The following TSC2 variants were observed in gnomAD, a reference collection of about 807,000 sequenced individuals.
TSC2 encodes TSC complex subunit 2.
Under a neutral mutation model 202.2 loss-of-function variants are expected in TSC2, and 29 were observed. The ratio of observed to expected loss-of-function variants is 0.14; its 90% CI spans 0.11 to 0.20. TSC2 has a LOEUF of 0.20. Ranked by LOEUF, TSC2 falls within the 10% of genes least tolerant of loss-of-function variation. The pLI is 1.00. For synonymous variants in TSC2, 1,349 were observed against 1,044.0 expected (o/e 1.29, Z -5.63); for missense variants, 2,429 against 2,420.0 (o/e 1.00, Z -0.08).
chr16:2,081,873 C>G, intron 31 of TSC2, 75 bp downstream of exon 31: 2 of 1,562,770 alleles, frequency 1.3e-6, no homozygotes, highest in Admixed American at 1.8e-5. Flanking sequence ...CAATGTGGCT[C>G]CTCTCTGCTG....
chr16:2,049,682 C>T lies in TSC2; in HGVS notation c.139-718C>T, dbSNP rs1023683385. On this transcript the variant is annotated intron_variant, in intron 2 of 41. Coordinates refer to ENST00000219476, the MANE Select transcript of TSC2 (RefSeq NM_000548.5). ...TCTACTAAAAATACCAAAAATTAGCCGGTCATAGTGGTGGGCGCCTGTAAT... is the reference window on the plus strand; with the variant it reads ...TCTACTAAAAATACCAAAAATTAGCTGGTCATAGTGGTGGGCGCCTGTAAT... Among the ~76,000 whole-genome samples, 13 of 151,396 alleles carry T rather than the reference C, an allele frequency of 8.6e-5. 1 individual carries two copies. The South Asian group carries it at 2.5e-3, about 29-fold the overall frequency.
chr16:2,059,336 CTCTT>C (rs1596291873), intron 10 of TSC2, among the ~76,000 whole-genome samples: 1 of 145,396 alleles, frequency 6.9e-6, no homozygotes, highest in African/African-American at 2.6e-5. Context: ...TTTTCTCTCT[CTCTT>C]TTTTTTTTTT....
chr16:2,070,542 C>T lies in TSC2; in HGVS notation c.1803C>T (p.Ser601=), dbSNP rs1044401463. The T allele has an allele frequency of 6.2e-7, 1 of 1,613,178 alleles. No individual in the cohort carries two copies. The highest frequency in any genetic ancestry group is 1.3e-5 in the African/African-American group (1 of 74,952). Residue 601 remains serine, a synonymous_variant, in exon 17 of 42, where the codon AGC becomes AGT. Coordinates refer to ENST00000219476, the MANE Select transcript of TSC2 (RefSeq NM_000548.5). The part of the protein sequence containing the change: ...VSHIQLHYKH[S]YTLPIASSIR... ...ACATTCAGCTCCACTACAAGCACAG[C>T]TACACCCTGCCAATCGCGAGCAGCA...
chr16:2,085,818 G>C (rs77699830), intron 36 of TSC2, among the ~76,000 whole-genome samples: 5,012 of 152,168 alleles, frequency 0.033, 282 homozygotes, highest in African/African-American at 0.11. Flanking sequence ...CTTCTGAGCA[G>C]AGGGCACATG....
At chr16:2,085,660 G>T (rs2090682347) in intron 36 of TSC2, among the ~76,000 whole-genome samples, 3 of 152,160 alleles carry the variant, frequency 2.0e-5, no homozygotes, top group Non-Finnish European at 4.4e-5. Flanking sequence ...AGGGGTGGGG[G>T]CATCCCACAC....
rs567880403 is a variant in TSC2 at position 2,088,839 on chromosome 16, G to A, written c.*229G>A. 4 of 601,424 alleles carry A rather than the reference G, an allele frequency of 6.7e-6. No individual in the cohort carries two copies. Among genetic ancestry groups the A allele is most frequent in the Non-Finnish European group, 1.2e-5 (4 of 343,772 alleles). The allele number at this position is 601,424 out of a possible 1,614,324, so 37.3% of individuals were successfully genotyped here. A position where few individuals can be genotyped will look rare whatever the true frequency, so the allele number is the denominator to read the frequency against. ...AGGCACAGCCAGCTCCGAGGGCCTT[G>A]AGGCTGCCTGGGCCATACAGCACAC... On this transcript the variant is annotated 3_prime_UTR_variant, in exon 42 of 42. Transcript: ENST00000219476.
chr16:2,055,571 G>A lies in TSC2; in HGVS notation c.599+52G>A, dbSNP rs188017426. The A allele has an allele frequency of 1.9e-5, 29 of 1,546,342 alleles. No homozygotes were observed. The Admixed American group carries it at 2.5e-4, about 13-fold the overall frequency. On this transcript the variant is annotated intron_variant, in intron 6 of 41. Coordinates refer to ENST00000219476, the MANE Select transcript of TSC2 (RefSeq NM_000548.5). The stretch of plus-strand genomic sequence containing the variant: ...TGATAATGGTCCTAAGTTCAGCTCC[G>A]CAGTGAATAAAGTTGAAACCACCAA...
In TSC2 at chr16:2,055,680, C is replaced by G. The variant is rs1039281022; in HGVS notation, c.599+161C>G. 7.5e-4 allele frequency: 527 copies of G among 707,222 alleles called. 3 individuals are homozygous for G. The highest frequency in any genetic ancestry group is 8.8e-5 in the Non-Finnish European group (35 of 395,980). 43.8% of individuals were successfully genotyped at this position (707,222 alleles called of 1,614,324 possible). A position where few individuals can be genotyped will look rare whatever the true frequency, so the allele number is the denominator to read the frequency against. The stretch of plus-strand genomic sequence containing the variant: ...GGCCGAGGCAGGCGGATCACGAGGT[C>G]AGGAGTTCGAGACCAGCCTGGCCAA... On this transcript the variant is annotated intron_variant, in intron 6 of 41. Coordinates refer to ENST00000219476, the MANE Select transcript of TSC2 (RefSeq NM_000548.5).
chr16:2,051,671 C>T (rs942788128), intron 3 of TSC2, among the ~76,000 whole-genome samples: 1 of 152,186 alleles, frequency 6.6e-6, no homozygotes, highest in East Asian at 1.9e-4. Context: ...GAGACCTGGA[C>T]CTCTCATGCT....
chr16:2,048,174 C>G (rs2084589624), intron 1 of TSC2, 109 bp downstream of exon 1: 1 of 1,537,896 alleles, frequency 6.5e-7, no homozygotes, highest in African/African-American at 1.4e-5. Flanking sequence ...CCCACTGCAA[C>G]CCGACTCCGG....
chr16:2,049,822 C>T (rs1206386244), intron 2 of TSC2, among the ~76,000 whole-genome samples: 4 of 151,170 alleles, frequency 2.6e-5, no homozygotes, highest in African/African-American at 7.3e-5. Flanking sequence ...AAAACTCCGT[C>T]TAAAAAAAAA....
intron 6 of TSC2, 75 bp downstream of exon 6, chr16:2,055,594 C>CA (rs1289915820): frequency 2.1e-6 from 3 of 1,415,690 alleles, no homozygotes; most frequent in Non-Finnish European, 3.0e-6. Context: ...TTGAAACCAC[C>CA]AAAAAAATAG....
At chr16:2,083,890 G>A (rs1462850142) in intron 33 of TSC2, 74 bp downstream of exon 33, 6 of 1,540,176 alleles carry the variant, frequency 3.9e-6, no homozygotes, top group African/African-American at 2.7e-5. Flanking sequence ...CTGCGTGGGT[G>A]TGCCTGCACC....
At chr16:2,071,416 T>C (rs2088360670) in intron 17 of TSC2, 94 bp from the exon 18 acceptor site, 9 of 1,308,016 alleles carry the variant, frequency 6.9e-6, no homozygotes, top group South Asian at 1.2e-5. Flanking sequence ...TCTGAGTGCC[T>C]GTGGTGCTGG....
At chr16:2,063,373 T>C (rs887762733) in intron 14 of TSC2, 5 of 508,500 alleles carry the variant, frequency 9.8e-6, no homozygotes, top group South Asian at 4.1e-5. Context: ...CAGTCTTGCA[T>C]GGGGACATTG....
chr16:2,048,860 C>T, intron 2 of TSC2, 107 bp downstream of exon 2: 1 of 1,496,002 alleles, frequency 6.7e-7, no homozygotes, highest in Non-Finnish European at 9.3e-7. Context: ...CAACTGTCTA[C>T]ACAGGAATGC....
At chr16:2,088,171 TG>T in intron 40 of TSC2, 32 bp downstream of exon 40, 1 of 1,612,998 alleles carries the variant, frequency 6.2e-7, no homozygotes. Context: ...CGTGAGCTGG[TG>T]GGACAGGCCC....
chr16:2,074,379 G>A lies in TSC2; in HGVS notation c.2535G>A (p.Glu845=), dbSNP rs2088947794. 13 of 1,610,936 alleles carry A rather than the reference G, an allele frequency of 8.1e-6. No individual in the cohort carries two copies. Among genetic ancestry groups the A allele is most frequent in the Non-Finnish European group, 1.1e-5 (13 of 1,180,032 alleles). Residue 845 remains glutamate, a synonymous_variant, in exon 22 of 42, where the codon GAG becomes GAA. Transcript: ENST00000219476. ...ATASMAVPLL[E]FLSTLARLPH... is the part of the protein sequence containing the mutation. ...CCAGCATGGCCGTCCCACTGCTGGA[G>A]TTCCTGTCCAGTGAGTCCCCGCCCT... is the stretch of plus-strand genomic sequence containing the variant.
chr16:2,059,975 T>C (rs1174420590), intron 10 of TSC2, among the ~76,000 whole-genome samples: 2 of 152,180 alleles, frequency 1.3e-5, no homozygotes, highest in Admixed American at 6.5e-5. Context: ...GGCTTTATTC[T>C]CAAGCAAACC....
Sources: gnomAD v4.1 joint callset for allele counts (sites outside exome capture counted in the v4.1 genomes callset) on GRCh38, gnomAD v4.1.1 for gene constraint, MANE v1.5 for transcripts, NCBI Gene and HGNC (gene_info 2026-07-23, HGNC 2026-07-21) for gene names.